The following EXT1 variants were observed in gnomAD, a reference collection of about 807,000 sequenced individuals.
EXT1 encodes the protein exostosin glycosyltransferase 1, also known as exostosin-1.
EXT1 carries 20 observed loss-of-function variants against 82.5 expected under a neutral mutation model. The ratio of observed to expected loss-of-function variants is 0.24; its 90% CI spans 0.17 to 0.35. EXT1 has a LOEUF of 0.35. EXT1 is among the 10% of genes least tolerant of loss of function. The pLI is 1.00. For synonymous variants in EXT1, 348 were observed against 350.8 expected (o/e 0.99, Z 0.09); for missense variants, 757 against 936.5 (o/e 0.81, Z 2.50).
At chr8:117,824,664 G>GT (rs936595901) in intron 4 of EXT1, among the ~76,000 whole-genome samples, 13 of 152,196 alleles carry the variant, frequency 8.5e-5, no homozygotes, top group Non-Finnish European at 1.8e-4. Context: ...CTAGGCATTG[G>GT]TTTTTCCATT....
At chr8:118,042,718 A>C (rs951309711) in intron 1 of EXT1, among the ~76,000 whole-genome samples, 1 of 152,138 alleles carries the variant, frequency 6.6e-6, no homozygotes, top group Non-Finnish European at 1.5e-5. Context: ...TTATATCTCC[A>C]TTCATACTTA....
At chr8:118,042,822 C>T (rs1394148887) in intron 1 of EXT1, among the ~76,000 whole-genome samples, 1 of 152,220 alleles carries the variant, frequency 6.6e-6, no homozygotes, top group Non-Finnish European at 1.5e-5. Flanking sequence ...ATACATTCAA[C>T]ACAGCCTCAT....
chr8:118,096,686 G>GGGAGGGAGGGAA (rs1817624872), intron 1 of EXT1, among the ~76,000 whole-genome samples: 1 of 89,396 alleles, frequency 1.1e-5, no homozygotes, highest in African/African-American at 4.2e-5. Context: ...GAGGGAGGGA[G>GGGAGGGAGGGAA]GGAGGGAAGG....
intron 1 of EXT1, among the ~76,000 whole-genome samples, chr8:117,933,868 G>A (rs1814107520): frequency 6.6e-6 from 1 of 152,066 alleles, no homozygotes; most frequent in African/African-American, 2.4e-5. Flanking sequence ...AAGTCCAGAC[G>A]CCTGCTCACA....
chr8:117,845,180 T>G (rs1294775274), intron 1 of EXT1, among the ~76,000 whole-genome samples: 1 of 152,186 alleles, frequency 6.6e-6, no homozygotes, highest in Non-Finnish European at 1.5e-5. Context: ...GGCTGAGGCA[T>G]GAAACCCCTA....
chr8:118,055,399 C>T (rs994656890), intron 1 of EXT1, among the ~76,000 whole-genome samples: 2 of 152,180 alleles, frequency 1.3e-5, no homozygotes, highest in East Asian at 1.9e-4. Flanking sequence ...TGGGCATCTG[C>T]GTTGTTTCCA....
Position 117,917,542 on chromosome 8 carries a change from C to A in EXT1, c.963-80341G>T, listed in dbSNP as rs185222983. Among the ~76,000 whole-genome samples the A allele has an allele frequency of 1.3e-3, 197 of 152,298 alleles. 2 individuals carry two copies. The Middle Eastern group carries it at 0.014, about 11-fold the overall frequency. ...CTTTAATATTTTCATTGATAATATG[C>A]TTTCGTAAAATTCTCACCAGCATTT... On this transcript the variant is annotated intron_variant, in intron 1 of 10. Coordinates refer to ENST00000378204, the MANE Select transcript of EXT1 (RefSeq NM_000127.3).
chr8:118,018,268 T>A (rs1049535437), intron 1 of EXT1, among the ~76,000 whole-genome samples: 2 of 152,074 alleles, frequency 1.3e-5, no homozygotes, highest in Non-Finnish European at 2.9e-5. Flanking sequence ...CCTAAGCCAA[T>A]ATGAATGGTG....
intron 4 of EXT1, among the ~76,000 whole-genome samples, chr8:117,823,983 G>C: frequency 6.6e-6 from 1 of 152,114 alleles, no homozygotes; most frequent in East Asian, 1.9e-4. Context: ...TAGTTGTGAA[G>C]GACTTTTTAC....
At chr8:117,997,602 T>A (rs1815573978) in intron 1 of EXT1, among the ~76,000 whole-genome samples, 1 of 152,026 alleles carries the variant, frequency 6.6e-6, no homozygotes, top group African/African-American at 2.4e-5. Flanking sequence ...AGCCACTAAC[T>A]CAAACAGAAA....
In EXT1 at chr8:117,819,714, G is replaced by T; in HGVS notation, c.1498C>A (p.Leu500Ile). Residue 500 changes from leucine to isoleucine, a missense_variant, in exon 6 of 11, where the codon CTT becomes ATT. Around this residue, in one of 4 missense-constraint regions of EXT1, gnomAD observed 207 missense variants for 224.2 expected, o/e 0.92. Coordinates refer to ENST00000378204, the MANE Select transcript of EXT1 (RefSeq NM_000127.3). ...LVSQSQPVLK[L>I]LVAAAKSQYC... ...TGGGACTTGGCTGCAGCCACGAGAA[G>T]CTTCAACACTGGCTGGGACTGAGAG... is the stretch of plus-strand genomic sequence containing the variant. 1 of 1,613,032 alleles carries T rather than the reference G, an allele frequency of 6.2e-7. No individual in the cohort carries two copies. Among genetic ancestry groups the T allele is most frequent in the East Asian group, 2.2e-5 (1 of 44,866 alleles).
intron 1 of EXT1, among the ~76,000 whole-genome samples, chr8:117,859,281 C>G (rs1812639570): frequency 6.6e-6 from 1 of 152,198 alleles, no homozygotes; most frequent in Non-Finnish European, 1.5e-5. Context: ...GCACAAAACC[C>G]AGCCACTAGT....
rs745315078 is a variant in EXT1, at chr8:117,837,216, G to A, written c.963-15C>T. ...GATAATCATACCTAGAAAGAGAAGA[G>A]GAGTAAACAGCAAATGAAGACTCAT... On this transcript the variant is annotated splice_polypyrimidine_tract_variant and intron_variant, in intron 1 of 10. Coordinates refer to ENST00000378204, the MANE Select transcript of EXT1 (RefSeq NM_000127.3). 1.3e-6 allele frequency: 2 copies of A among 1,597,188 alleles called. No individual in the cohort carries two copies. The highest frequency in any genetic ancestry group is 8.6e-7 in the Non-Finnish European group (1 of 1,164,764).
chr8:117,853,849 T>C (rs1279189448), intron 1 of EXT1, among the ~76,000 whole-genome samples: 2 of 152,246 alleles, frequency 1.3e-5, no homozygotes, highest in Non-Finnish European at 2.9e-5. Context: ...TGAATGCCTG[T>C]GTTTTGTCCT....
chr8:118,072,678 G>A (rs2468134), intron 1 of EXT1, among the ~76,000 whole-genome samples: 31,795 of 152,076 alleles, frequency 0.21, 3,674 homozygotes, highest in East Asian at 0.47. Context: ...CATTTTTTCT[G>A]TTCATCCAAC....
chr8:117,979,910 A>G (rs1407586277), intron 1 of EXT1, among the ~76,000 whole-genome samples: 2 of 152,198 alleles, frequency 1.3e-5, no homozygotes, highest in Non-Finnish European at 2.9e-5. Context: ...CTGCTCCCCC[A>G]ATATTTCTCC....
chr8:118,038,868 G>T (rs1816473496), intron 1 of EXT1, among the ~76,000 whole-genome samples: 1 of 152,296 alleles, frequency 6.6e-6, no homozygotes, highest in Admixed American at 6.5e-5. Context: ...TGAACATGGC[G>T]TCTGTTCCTC....
intron 1 of EXT1, among the ~76,000 whole-genome samples, chr8:118,010,196 C>A (rs1408496127): frequency 6.6e-6 from 1 of 151,684 alleles, no homozygotes; most frequent in Non-Finnish European, 1.5e-5. Flanking sequence ...CACAGTGAAA[C>A]CCCATCTCTA....
chr8:118,023,370 T>C (rs1465020080), intron 1 of EXT1, among the ~76,000 whole-genome samples: 1 of 152,224 alleles, frequency 6.6e-6, no homozygotes, highest in Non-Finnish European at 1.5e-5. Context: ...TAGCATGGTG[T>C]TAGCACATCT....
Sources: gnomAD v4.1 joint callset for allele counts (sites outside exome capture counted in the v4.1 genomes callset) on GRCh38, gnomAD v4.1.1 for gene constraint, gnomAD v4.1.1 regional missense constraint, MANE v1.5 for transcripts, NCBI Gene and HGNC (gene_info 2026-07-23, HGNC 2026-07-21) for gene names.